SERINC5: variants seen among roughly 807,000 people sequenced by gnomAD.
The protein encoded by SERINC5 is chromosome 5 open reading frame 12.
In SERINC5, 41 loss-of-function variants were observed where a neutral mutation model predicts 63.1. The ratio of observed to expected loss-of-function variants is 0.65; its 90% CI spans 0.51 to 0.84. The LOEUF (loss-of-function observed/expected upper bound fraction) is 0.84, where lower values mean the gene tolerates loss of function less well. SERINC5 is among the 40% of genes least tolerant of loss of function. The pLI, the probability that SERINC5 is intolerant of heterozygous loss-of-function variation, is 0.00. For missense variants in SERINC5, 523 were observed against 573.0 expected, an observed-to-expected ratio of 0.91 and a Z score of 0.89; for synonymous variants, 222 against 215.2, an observed-to-expected ratio of 1.03 and a Z score of -0.28.
At chr5:80,160,687 T>C (rs1746825658) in intron 7 of SERINC5, among the ~76,000 whole-genome samples, 1 of 152,064 alleles carries the variant, frequency 6.6e-6, no homozygotes, top group Non-Finnish European at 1.5e-5. Flanking sequence ...TTTCTCACCA[T>C]CCATCCCCTC....
intron 1 of SERINC5, among the ~76,000 whole-genome samples, chr5:80,205,202 T>C (rs1191638901): frequency 1.3e-5 from 2 of 152,180 alleles, no homozygotes; most frequent in Non-Finnish European, 2.9e-5. Context: ...GCTTTCAGAC[T>C]CAACTGTAAA....
At chr5:80,148,297 T>C (rs906324609) in intron 9 of SERINC5, among the ~76,000 whole-genome samples, 1 of 150,608 alleles carries the variant, frequency 6.6e-6, no homozygotes, top group Non-Finnish European at 1.5e-5. Flanking sequence ...TTCAAGCAAT[T>C]ATCCTGCCTC....
At chr5:80,238,016 C>A (rs1320163233) in intron 1 of SERINC5, among the ~76,000 whole-genome samples, 2 of 149,066 alleles carry the variant, frequency 1.3e-5, no homozygotes, top group African/African-American at 4.9e-5. Flanking sequence ...AGGTAGGAGA[C>A]TCACTTGAAC....
At chr5:80,160,964 G>GTGTA (rs1746849865) in intron 7 of SERINC5, among the ~76,000 whole-genome samples, 1 of 148,562 alleles carries the variant, frequency 6.7e-6, no homozygotes, top group Non-Finnish European at 1.5e-5. Flanking sequence ...ATATGTGTGT[G>GTGTA]TATATATATG....
downstream of SERINC5, among the ~76,000 whole-genome samples, chr5:80,135,931 G>A (rs1279084002): frequency 6.6e-6 from 1 of 152,040 alleles, no homozygotes; most frequent in African/African-American, 2.4e-5. Flanking sequence ...AAAGTAGGAT[G>A]ACGGTTGCCA....
In SERINC5 at chr5:80,116,633, T is replaced by TGAGATAGG. The variant is rs1242388664; in HGVS notation, c.1239-3009_1239-3008insCCTATCTC. On this transcript the variant is annotated intron_variant, in intron 11 of 12. Coordinates refer to the SERINC5 transcript ENST00000509193. Reference sequence around the variant, plus strand: ...CTACCAAGAGGATGACATAAATGCCTCCTGTGGCCCTGAGATAGGCAGAGC... The same window carrying TGAGATAGG: ...CTACCAAGAGGATGACATAAATGCCTGAGATAGGCCTGTGGCCCTGAGATAGGCAGAGC... Among the ~76,000 whole-genome samples, 22 of 152,072 alleles carry TGAGATAGG rather than the reference T, an allele frequency of 1.4e-4. 1 individual carries two copies. The East Asian group carries it at 4.3e-3, about 29-fold the overall frequency.
chr5:80,120,941 G>A (rs1744518711), intron 11 of SERINC5, among the ~76,000 whole-genome samples: 1 of 152,134 alleles, frequency 6.6e-6, no homozygotes, highest in Non-Finnish European at 1.5e-5. Context: ...AGGCTGGAGT[G>A]CAATGGCGCG....
chr5:80,173,134 G>GGGAAAGAAAGAAAGAGGAAA (rs1747768865), intron 5 of SERINC5, among the ~76,000 whole-genome samples: 1 of 150,090 alleles, frequency 6.7e-6, no homozygotes, highest in Admixed American at 6.7e-5. Context: ...TAGGGGAAGA[G>GGGAAAGAAAGAAAGAGGAAA]GGAAAGAAAG....
chr5:80,198,473 T>C, intron 2 of SERINC5: 1 of 948,090 alleles, frequency 1.1e-6, no homozygotes, highest in Non-Finnish European at 1.3e-6. Flanking sequence ...ACAAGGGAGC[T>C]GCCCTTGCGC....
intron 1 of SERINC5, among the ~76,000 whole-genome samples, chr5:80,233,635 AG>A (rs1308933861): frequency 2.0e-5 from 3 of 151,842 alleles, no homozygotes; most frequent in Non-Finnish European, 2.9e-5. Flanking sequence ...TTAAATAGGA[AG>A]TATCCTATAA....
At chr5:80,167,719 C>T (rs1747395526) in intron 6 of SERINC5, among the ~76,000 whole-genome samples, 1 of 152,182 alleles carries the variant, frequency 6.6e-6, no homozygotes, top group African/African-American at 2.4e-5. Flanking sequence ...TCTGAAACTT[C>T]ACAAGCCATC....
At chr5:80,208,378 A>T (rs866946254) in intron 1 of SERINC5, among the ~76,000 whole-genome samples, 2 of 152,128 alleles carry the variant, frequency 1.3e-5, no homozygotes, top group East Asian at 3.9e-4. Flanking sequence ...CTCTAAAAAA[A>T]AAAAAAAACC....
At chr5:80,254,493 A>G (rs1018761974) in intron 1 of SERINC5, among the ~76,000 whole-genome samples, 2 of 152,240 alleles carry the variant, frequency 1.3e-5, no homozygotes, top group African/African-American at 4.8e-5. Flanking sequence ...TGGCAGAAAG[A>G]GCCTCAAGGG....
At chr5:80,190,018 A>G (rs762848380) in intron 2 of SERINC5, among the ~76,000 whole-genome samples, 5 of 151,518 alleles carry the variant, frequency 3.3e-5, no homozygotes, top group Non-Finnish European at 5.9e-5. Flanking sequence ...AGCCAAAATT[A>G]GCTTGCTTTC....
chr5:80,162,363 G>A (rs954578090), intron 7 of SERINC5, among the ~76,000 whole-genome samples: 10 of 152,090 alleles, frequency 6.6e-5, no homozygotes, highest in African/African-American at 1.4e-4. Context: ...CTTTCCATTC[G>A]CTTGCATCCT....
At chr5:80,138,026 C>A (rs539787362), downstream of SERINC5, among the ~76,000 whole-genome samples, 4 of 152,034 alleles carry the variant, frequency 2.6e-5, no homozygotes, top group Non-Finnish European at 4.4e-5. Context: ...TTGGAGGAAC[C>A]TAGAAGACAC....
At chr5:80,133,267 C>G (rs569628933) in intron 11 of SERINC5, among the ~76,000 whole-genome samples, 4 of 152,152 alleles carry the variant, frequency 2.6e-5, no homozygotes, top group Non-Finnish European at 5.9e-5. Flanking sequence ...TATAAATTAC[C>G]CAGTCTTGGG....
chr5:80,139,584 GAGAA>G lies in SERINC5; in HGVS notation c.*4075_*4078del, dbSNP rs1360637157. The G allele has an allele frequency of 2.0e-6, 2 of 975,938 alleles. No homozygotes were observed. The highest frequency in any genetic ancestry group is 2.4e-6 in the Non-Finnish European group (2 of 826,352). The allele number at this position is 975,938 out of a possible 1,614,324, so 60.5% of individuals were successfully genotyped here. A position where few individuals can be genotyped will look rare whatever the true frequency, so the allele number is the denominator to read the frequency against. ...TGACTGCCTCTGTGAAAGAGTTGTT[GAGAA>G]AGAAGAAAAGAGAGAGAGAGAGAAA... On this transcript the variant is annotated 3_prime_UTR_variant, in exon 12 of 12. Coordinates refer to ENST00000507668, the MANE Select transcript of SERINC5 (RefSeq NM_001174072.3).
chr5:80,193,555 G>C (rs529309732), intron 2 of SERINC5, among the ~76,000 whole-genome samples: 12 of 152,280 alleles, frequency 7.9e-5, no homozygotes, highest in Non-Finnish European at 1.5e-4. Context: ...TCCCGCAAAC[G>C]TGCAGGTAAT....
Sources: allele counts gnomAD v4.1 joint callset (sites outside exome capture counted in the v4.1 genomes callset), GRCh38; gene constraint gnomAD v4.1.1; transcripts MANE v1.5; gene names NCBI Gene and HGNC (gene_info 2026-07-23, HGNC 2026-07-21).